The following TMEM255B variants were observed in gnomAD, a reference collection of about 807,000 sequenced individuals.
TMEM255B encodes transmembrane protein 255B.
A neutral mutation model predicts 34.5 loss-of-function variants in TMEM255B; 35 were observed. The ratio of observed to expected loss-of-function variants is 1.01; its 90% CI spans 0.77 to 1.34. The LOEUF is 1.34. TMEM255B is among the 40% of genes most tolerant of loss of function. The pLI, the probability that TMEM255B is intolerant of heterozygous loss-of-function variation, is 0.00. For synonymous variants in TMEM255B, 206 were observed against 201.2 expected (o/e 1.02, Z -0.20); for missense variants, 432 against 433.2 (o/e 1.00, Z 0.02).
At chr13:113,794,565 CA>C (rs1469496475) in intron 3 of TMEM255B, among the ~76,000 whole-genome samples, 2 of 152,054 alleles carry the variant, frequency 1.3e-5, no homozygotes, top group African/African-American at 4.8e-5. Flanking sequence ...GCCCTCTGGT[CA>C]GGGGTCCACG....
intron 3 of TMEM255B, among the ~76,000 whole-genome samples, chr13:113,771,997 C>G (rs1184237554): frequency 6.6e-6 from 1 of 152,168 alleles, no homozygotes; most frequent in East Asian, 1.9e-4. Context: ...TTTCTCCACT[C>G]CCTCACCAGC....
At chr13:113,759,772 T>C (rs1175686054) in intron 1 of TMEM255B, among the ~76,000 whole-genome samples, 2 of 152,160 alleles carry the variant, frequency 1.3e-5, no homozygotes, top group Non-Finnish European at 2.9e-5. Flanking sequence ...CTTTTCCTGT[T>C]TGAACGTGCA....
Position 113,812,954 on chromosome 13 carries a change from GGGTC to G in TMEM255B, c.*1052_*1055del, listed in dbSNP as rs1284930452. On this transcript the variant is annotated 3_prime_UTR_variant, in exon 9 of 9. Transcript: ENST00000375353. ...CCCGGGTGGGTCACGGGTCCCGGGT[GGGTC>G]ACGGGCCCCGGGTGGGTCACGGGTC... is the stretch of plus-strand genomic sequence containing the variant. 6.6e-4 allele frequency: 97 copies of G among 147,620 alleles called. 8 individuals are homozygous for G. The highest frequency in any genetic ancestry group is 3.6e-3 in the Middle Eastern group (1 of 280). 9.1% of individuals were successfully genotyped at this position (147,620 alleles called of 1,614,324 possible).
intron 1 of TMEM255B, 81 bp downstream of exon 1, chr13:113,759,396 C>G (rs1351418729): frequency 8.4e-7 from 1 of 1,190,506 alleles, no homozygotes. Context: ...GGTCCCCGGC[C>G]GGCCCGGGCG....
At chr13:113,787,657 G>A (rs2050766647) in intron 3 of TMEM255B, among the ~76,000 whole-genome samples, 1 of 152,146 alleles carries the variant, frequency 6.6e-6, no homozygotes, top group Non-Finnish European at 1.5e-5. Context: ...AGCTGAAATT[G>A]TACATGGCTT....
At chr13:113,794,422 C>T (rs933091236) in intron 3 of TMEM255B, among the ~76,000 whole-genome samples, 12 of 151,968 alleles carry the variant, frequency 7.9e-5, no homozygotes, top group African/African-American at 2.2e-4. Context: ...TTTCCCGAGC[C>T]GACAACTCAT....
At chr13:113,804,856 G>A (rs1435280433) in intron 7 of TMEM255B, 29 bp from the exon 8 acceptor site, 6 of 1,578,790 alleles carry the variant, frequency 3.8e-6, no homozygotes, top group South Asian at 1.1e-5. Flanking sequence ...GGGGGTACAC[G>A]CCGACCACCC....
intron 8 of TMEM255B, among the ~76,000 whole-genome samples, chr13:113,809,439 G>A (rs1425307042): frequency 1.7e-5 from 2 of 116,432 alleles, no homozygotes; most frequent in Non-Finnish European, 3.4e-5. Flanking sequence ...GATTTATGCT[G>A]TGGTTCCTGG....
intron 8 of TMEM255B, among the ~76,000 whole-genome samples, chr13:113,807,433 C>T (rs2051198447): frequency 7.1e-6 from 1 of 140,264 alleles, no homozygotes; most frequent in Non-Finnish European, 1.5e-5. Context: ...GGTGGTCCTC[C>T]CCGTCACACG....
intron 4 of TMEM255B, among the ~76,000 whole-genome samples, chr13:113,798,499 GATGGATGGAT>G (rs1399673361): frequency 6.6e-6 from 1 of 151,494 alleles, no homozygotes; most frequent in Non-Finnish European, 1.5e-5. Flanking sequence ...ATGATGGTTG[GATGGATGGAT>G]GTGGATGAAT....
At position 113,769,163 on chromosome 13, in the gene TMEM255B, A is replaced by T. The variant is rs2050438339; in HGVS notation, c.252+3A>T. The T allele has an allele frequency of 6.2e-7, 1 of 1,613,974 alleles. No homozygotes were observed. The highest frequency in any genetic ancestry group is 8.5e-7 in the Non-Finnish European group (1 of 1,179,954). ...TGGTGGAGAATAGAAGGCAAATGGTAAGAAAGTACATGGGGTGGTGGGGAG... is the reference window on the plus strand; with the variant it reads ...TGGTGGAGAATAGAAGGCAAATGGTTAGAAAGTACATGGGGTGGTGGGGAG... On this transcript the variant is annotated splice_donor_region_variant and intron_variant, in intron 3 of 8. Transcript: ENST00000375353. The surrounding 1 kb of genome is among the most constrained non-coding windows in gnomAD (Gnocchi z 4.2).
chr13:113,801,042 G>A, intron 6 of TMEM255B, 130 bp downstream of exon 6: 1 of 350,216 alleles, frequency 2.9e-6, no homozygotes, highest in Non-Finnish European at 4.2e-6. Context: ...GGAGGTGAGG[G>A]GCGCTGGGAA....
At chr13:113,796,899 A>C (rs977416189) in intron 4 of TMEM255B, among the ~76,000 whole-genome samples, 21 of 149,286 alleles carry the variant, frequency 1.4e-4, no homozygotes, top group Admixed American at 3.9e-4. Context: ...CACATTCACA[A>C]AACACACGTG....
At chr13:113,765,429 A>T (rs778098848) in intron 1 of TMEM255B, among the ~76,000 whole-genome samples, 12 of 152,236 alleles carry the variant, frequency 7.9e-5, no homozygotes, top group Non-Finnish European at 1.3e-4. Flanking sequence ...CACGGCCGTC[A>T]TCGCTGCCAG....
In TMEM255B at chr13:113,814,183, C is replaced by T. The variant is rs1436983688; in HGVS notation, c.*2280C>T. The T allele has an allele frequency of 6.6e-6, 1 of 152,176 alleles. No homozygotes were observed. Among genetic ancestry groups the T allele is most frequent in the Non-Finnish European group, 1.5e-5 (1 of 68,046 alleles). 9.4% of individuals were successfully genotyped at this position (152,176 alleles called of 1,614,324 possible). A position where few individuals can be genotyped will look rare whatever the true frequency, so the allele number is the denominator to read the frequency against. ...AGCTGCCTGGTGCAGGCACCAGCAC[C>T]TCTTGGTGTCCTAGGGGTGCGAACA... On this transcript the variant is annotated 3_prime_UTR_variant, in exon 9 of 9. Transcript: ENST00000375353.
intron 3 of TMEM255B, among the ~76,000 whole-genome samples, chr13:113,777,692 C>T (rs144357508): frequency 0.01 from 1,589 of 152,308 alleles, 18 homozygotes; most frequent in African/African-American, 0.036. Flanking sequence ...CCAGGGTCCC[C>T]GCACCAGGTC....
Position 113,812,982 on chromosome 13 carries a change from T to TGGATCACAGGTCCCGGGTGGGTCACAGGC in TMEM255B, c.*1079_*1080insGGATCACAGGTCCCGGGTGGGTCACAGGC, listed in dbSNP as rs1566342299. ...TCACGGGCCCCGGGTGGGTCACGGG[T>TGGATCACAGGTCCCGGGTGGGTCACAGGC]CCCGGGTGGGTCACGGGTCCCGAGT... On this transcript the variant is annotated 3_prime_UTR_variant, in exon 9 of 9. Transcript: ENST00000375353. 4 of 110,700 alleles carry TGGATCACAGGTCCCGGGTGGGTCACAGGC rather than the reference T, an allele frequency of 3.6e-5. No homozygotes were observed. Among genetic ancestry groups the TGGATCACAGGTCCCGGGTGGGTCACAGGC allele is most frequent in the South Asian group, 2.6e-4 (1 of 3,878 alleles). The allele number at this position is 110,700 out of a possible 1,614,324, so 6.9% of individuals were successfully genotyped here.
chr13:113,766,902 A>G (rs1053524084), intron 2 of TMEM255B, among the ~76,000 whole-genome samples: 2 of 152,236 alleles, frequency 1.3e-5, no homozygotes, highest in African/African-American at 4.8e-5. Context: ...ACCCAGATTC[A>G]AAAGTATCAA....
intron 3 of TMEM255B, among the ~76,000 whole-genome samples, 187 bp from the exon 4 acceptor site, chr13:113,794,961 C>G (rs1476543416): frequency 6.6e-6 from 1 of 152,254 alleles, no homozygotes; most frequent in South Asian, 2.1e-4. Context: ...GGAATAGACG[C>G]GTGAGGACGA....
Sources: allele counts gnomAD v4.1 joint callset (sites outside exome capture counted in the v4.1 genomes callset), GRCh38; gene constraint gnomAD v4.1.1; non-coding constraint Gnocchi (gnomAD v3.1); transcripts MANE v1.5; gene names NCBI Gene and HGNC (gene_info 2026-07-23, HGNC 2026-07-21).